Variants in CNBD1 observed in about 807,000 individuals in gnomAD.
The protein encoded by CNBD1 is cyclic nucleotide binding domain containing 1.
A neutral mutation model predicts 54.4 loss-of-function variants in CNBD1; 71 were observed. The observed-to-expected ratio is 1.30, with a 90% CI of 1.08 to 1.59. CNBD1 has a LOEUF of 1.59. Ranked by LOEUF, CNBD1 falls within the 40% of genes most tolerant of loss-of-function variation. The probability of loss-of-function intolerance (pLI) is 0.00; values close to 1 mark genes in which losing one functional copy is unlikely to be tolerated. For synonymous variants in CNBD1, 182 were observed against 170.7 expected, an observed-to-expected ratio of 1.07 and a Z score of -0.51; for missense variants, 659 against 518.0, an observed-to-expected ratio of 1.27 and a Z score of -2.64.
At chr8:87,168,158 T>C (rs946693079) in intron 4 of CNBD1, among the ~76,000 whole-genome samples, 5 of 152,002 alleles carry the variant, frequency 3.3e-5, no homozygotes, top group African/African-American at 9.7e-5. Flanking sequence ...TTATTTTTGC[T>C]TCAGTTTGCC....
chr8:87,277,016 C>G (rs1053836432), intron 6 of CNBD1, among the ~76,000 whole-genome samples: 1 of 150,942 alleles, frequency 6.6e-6, no homozygotes, highest in South Asian at 2.1e-4. Context: ...GTTGAATTAA[C>G]TATTCAATAG....
At chr8:87,214,655 G>A (rs1487205598) in intron 5 of CNBD1, among the ~76,000 whole-genome samples, 1 of 152,164 alleles carries the variant, frequency 6.6e-6, no homozygotes, top group Non-Finnish European at 1.5e-5. Flanking sequence ...ATTTATAAAA[G>A]AAAGAGATTT....
chr8:87,161,244 G>A (rs1189984401), intron 4 of CNBD1, among the ~76,000 whole-genome samples: 2 of 152,108 alleles, frequency 1.3e-5, no homozygotes, highest in Non-Finnish European at 2.9e-5. Flanking sequence ...AAGAGTGGAA[G>A]TGAAAGGAAA....
intron 4 of CNBD1, among the ~76,000 whole-genome samples, chr8:87,043,871 C>T (rs778355871): frequency 2.0e-5 from 3 of 152,202 alleles, no homozygotes; most frequent in East Asian, 1.9e-4. Context: ...TTCATCCCTG[C>T]CCTGGTCATA....
intron 4 of CNBD1, among the ~76,000 whole-genome samples, chr8:86,964,719 A>G (rs1468590208): frequency 6.6e-6 from 1 of 152,188 alleles, no homozygotes; most frequent in Non-Finnish European, 1.5e-5. Flanking sequence ...CTTGGAAGAG[A>G]ACCTGGATAG....
At position 86,867,178 on chromosome 8, in the gene CNBD1, A is replaced by G. The variant is rs144899011; in HGVS notation, c.88+595A>G. ...TTTTATGTAATTAGTCTAAACCTATAACGTTTTCTTAAGATTGTAAACACT... is the reference window on the plus strand; with the variant it reads ...TTTTATGTAATTAGTCTAAACCTATGACGTTTTCTTAAGATTGTAAACACT... On this transcript the variant is annotated intron_variant, in intron 1 of 10. Transcript: ENST00000518476. Among the ~76,000 whole-genome samples the G allele has an allele frequency of 7.0e-4, 107 of 152,296 alleles. 1 individual carries two copies. The East Asian group carries it at 0.019, about 28-fold the overall frequency.
At chr8:87,417,437 G>A (rs1807855990) in intron 2 of CNBD1, among the ~76,000 whole-genome samples, 1 of 151,924 alleles carries the variant, frequency 6.6e-6, no homozygotes, top group African/African-American at 2.4e-5. Flanking sequence ...AAAAAGTACT[G>A]ACAGAACTGG....
At chr8:87,218,501 A>G (rs1209370756) in intron 5 of CNBD1, among the ~76,000 whole-genome samples, 4 of 152,070 alleles carry the variant, frequency 2.6e-5, no homozygotes, top group African/African-American at 7.2e-5. Context: ...ATTCTTAGAA[A>G]TAGTCTATTA....
At chr8:87,371,788 C>G (rs1810809087) in intron 10 of CNBD1, among the ~76,000 whole-genome samples, 1 of 151,910 alleles carries the variant, frequency 6.6e-6, no homozygotes, top group Non-Finnish European at 1.5e-5. Flanking sequence ...AATTCAACAA[C>G]CCTTCATGCT....
At chr8:87,121,897 T>G (rs557297441) in intron 4 of CNBD1, among the ~76,000 whole-genome samples, 1 of 151,472 alleles carries the variant, frequency 6.6e-6, no homozygotes. Context: ...TATATATATA[T>G]ACACACACAT....
intron 4 of CNBD1, among the ~76,000 whole-genome samples, chr8:86,952,317 G>A (rs1807646601): frequency 1.3e-5 from 2 of 152,210 alleles, no homozygotes; most frequent in South Asian, 4.1e-4. Flanking sequence ...ACTGAGACCT[G>A]TCTCAGTTAT....
At chr8:86,970,745 A>G (rs1246609212) in intron 4 of CNBD1, among the ~76,000 whole-genome samples, 3 of 152,184 alleles carry the variant, frequency 2.0e-5, no homozygotes, top group South Asian at 4.1e-4. Context: ...CTTAGAATTT[A>G]TGACCTCCAG....
chr8:86,909,003 G>A (rs1251764152), intron 3 of CNBD1, among the ~76,000 whole-genome samples: 3 of 152,078 alleles, frequency 2.0e-5, no homozygotes, highest in African/African-American at 2.4e-5. Context: ...TGATCTGCCC[G>A]CCTTGGCCTC....
chr8:86,937,441 C>T (rs1809569498), intron 3 of CNBD1, among the ~76,000 whole-genome samples: 1 of 152,074 alleles, frequency 6.6e-6, no homozygotes, highest in Non-Finnish European at 1.5e-5. Flanking sequence ...TCCCAACAGT[C>T]CCCCAAAGTC....
At chr8:87,230,311 A>C (rs1044610996) in intron 5 of CNBD1, among the ~76,000 whole-genome samples, 1 of 152,204 alleles carries the variant, frequency 6.6e-6, no homozygotes, top group Non-Finnish European at 1.5e-5. Flanking sequence ...GCAGCGACAC[A>C]GATCCAAACC....
In CNBD1 at chr8:87,309,608, C is replaced by T. The variant is rs552386363; in HGVS notation, c.1042+22937C>T. Reference sequence around the variant, plus strand: ...AAAAGTTTTTGTAGACTTCCATAAACAAAACTCATATCTGTATATCTGTAG... The same window carrying T: ...AAAAGTTTTTGTAGACTTCCATAAATAAAACTCATATCTGTATATCTGTAG... On this transcript the variant is annotated intron_variant, in intron 8 of 10. Coordinates refer to ENST00000518476, the MANE Select transcript of CNBD1 (RefSeq NM_173538.3). Among the ~76,000 whole-genome samples the T allele has an allele frequency of 1.2e-4, 18 of 152,174 alleles. No homozygotes were observed. The South Asian group carries it at 3.7e-3, about 32-fold the overall frequency.
chr8:87,388,414 G>A (rs1408610445), intron 2 of CNBD1, among the ~76,000 whole-genome samples: 2 of 151,732 alleles, frequency 1.3e-5, no homozygotes, highest in African/African-American at 2.4e-5. Flanking sequence ...AATGATAAAG[G>A]GGATATCACC....
intron 8 of CNBD1, among the ~76,000 whole-genome samples, chr8:87,328,252 T>G (rs1249391944): frequency 6.6e-6 from 1 of 152,116 alleles, no homozygotes. Context: ...TCATTGTTTA[T>G]TTTTGGCACC....
intron 4 of CNBD1, among the ~76,000 whole-genome samples, chr8:87,021,005 A>G (rs911084073): frequency 9.9e-5 from 15 of 152,222 alleles, no homozygotes; most frequent in African/African-American, 2.9e-4. Context: ...ATTGTCAACC[A>G]GAAAATGTTC....
Sources: gnomAD v4.1 joint callset for allele counts (sites outside exome capture counted in the v4.1 genomes callset) on GRCh38, gnomAD v4.1.1 for gene constraint, MANE v1.5 for transcripts, NCBI Gene and HGNC (gene_info 2026-07-23, HGNC 2026-07-21) for gene names.